AKAP19: variants seen among roughly 807,000 people sequenced by gnomAD.
The protein encoded by AKAP19 is small A-kinase anchoring protein.
chr2:190,002,642 T>C, the AKAP19 span, among the ~76,000 whole-genome samples: 1 of 152,214 alleles, frequency 6.6e-6, no homozygotes, highest in Non-Finnish European at 1.5e-5. Context: ...GAACTCCTTG[T>C]TCTCACTCAC....
At chr2:189,979,101 C>CA in the AKAP19 span, among the ~76,000 whole-genome samples, 3 of 151,350 alleles carry the variant, frequency 2.0e-5, no homozygotes, top group South Asian at 4.2e-4. Flanking sequence ...CATGTGAAAC[C>CA]AAAAAAGAGC....
At chr2:189,969,850 T>G in the AKAP19 span, among the ~76,000 whole-genome samples, 1 of 150,932 alleles carries the variant, frequency 6.6e-6, no homozygotes, top group African/African-American at 2.4e-5. Flanking sequence ...TTTCTTCTCT[T>G]TTTCACTTTC....
At chr2:190,145,217 A>G in the AKAP19 span, among the ~76,000 whole-genome samples, 280 of 152,298 alleles carry the variant, frequency 1.8e-3, 2 homozygotes, top group African/African-American at 6.4e-3. Context: ...AGCCCAGGAC[A>G]TGCAGGTTGC....
the AKAP19 span, among the ~76,000 whole-genome samples, chr2:190,110,161 G>C: frequency 6.6e-6 from 1 of 152,166 alleles, no homozygotes; most frequent in Non-Finnish European, 1.5e-5. Flanking sequence ...TTCAACATCA[G>C]GATGTCTGGA....
At chr2:189,947,754 A>T in the AKAP19 span, among the ~76,000 whole-genome samples, 7,359 of 152,112 alleles carry the variant, frequency 0.048, 270 homozygotes, top group Non-Finnish European at 0.067. Flanking sequence ...ACCCATATAG[A>T]TTACTCTTGG....
the AKAP19 span, among the ~76,000 whole-genome samples, chr2:190,121,075 T>A: frequency 8.5e-6 from 1 of 118,084 alleles, no homozygotes; most frequent in Non-Finnish European, 2.0e-5. Context: ...ATGTTGGAAA[T>A]TTTTTTTAAA....
chr2:190,029,353 C>T, the AKAP19 span, among the ~76,000 whole-genome samples: 3 of 151,824 alleles, frequency 2.0e-5, no homozygotes, highest in Non-Finnish European at 2.9e-5. Flanking sequence ...CGCCCAGCCA[C>T]ATGTAGGGAT....
chr2:190,192,576 G>T, the AKAP19 span, among the ~76,000 whole-genome samples: 2 of 151,792 alleles, frequency 1.3e-5, no homozygotes, highest in African/African-American at 4.8e-5. Flanking sequence ...CTACAGAAAA[G>T]CCTGCTGGAA....
At chr2:189,945,579 G>T in the AKAP19 span, among the ~76,000 whole-genome samples, 1 of 152,146 alleles carries the variant, frequency 6.6e-6, no homozygotes, top group African/African-American at 2.4e-5. Context: ...GCTTTAAATG[G>T]ATGTACTTTA....
chr2:190,143,017 T>C, the AKAP19 span, among the ~76,000 whole-genome samples: 20 of 151,962 alleles, frequency 1.3e-4, no homozygotes, highest in Non-Finnish European at 2.8e-4. Context: ...ATACTAAATA[T>C]GGATGTTCTT....
the AKAP19 span, among the ~76,000 whole-genome samples, chr2:189,886,838 T>C: frequency 6.6e-6 from 1 of 152,162 alleles, no homozygotes; most frequent in Admixed American, 6.5e-5. Flanking sequence ...AACAAAGCTA[T>C]GGCAGCAAGG....
chr2:190,145,781 C>A, the AKAP19 span, among the ~76,000 whole-genome samples: 1 of 151,298 alleles, frequency 6.6e-6, no homozygotes, highest in African/African-American at 2.4e-5. Context: ...TGTTATTAAG[C>A]AACTCATGAT....
the AKAP19 span, among the ~76,000 whole-genome samples, chr2:190,000,668 T>G: frequency 6.6e-6 from 1 of 152,062 alleles, no homozygotes; most frequent in Non-Finnish European, 1.5e-5. Context: ...TTTGGTTGAC[T>G]TTTTTTTCTT....
chr2:189,965,966 GTGTGTA>G, the AKAP19 span, among the ~76,000 whole-genome samples: 1 of 152,090 alleles, frequency 6.6e-6, no homozygotes, highest in African/African-American at 2.4e-5. Context: ...GTGTGTGTGT[GTGTGTA>G]TGTGTATATA....
the AKAP19 span, among the ~76,000 whole-genome samples, chr2:190,087,637 T>G: frequency 6.6e-6 from 1 of 152,324 alleles, no homozygotes; most frequent in African/African-American, 2.4e-5. Flanking sequence ...TTGGCCAAAG[T>G]GCCACTTGCC....
At chr2:190,083,567 T>G in the AKAP19 span, among the ~76,000 whole-genome samples, 2 of 141,122 alleles carry the variant, frequency 1.4e-5, no homozygotes, top group African/African-American at 2.6e-5. Context: ...GACGGTGGGC[T>G]GATACAAAGT....
the AKAP19 span, chr2:190,062,121 G>A: frequency 1.6e-6 from 2 of 1,255,404 alleles, no homozygotes; most frequent in Non-Finnish European, 2.3e-6. Context: ...CTTACATACA[G>A]GCCAACAGCT....
At chr2:189,941,460 A>C in the AKAP19 span, among the ~76,000 whole-genome samples, 47 of 152,194 alleles carry the variant, frequency 3.1e-4, no homozygotes, top group African/African-American at 1.1e-3. Flanking sequence ...AGACAACATA[A>C]AGTCAAAATG....
At chr2:190,197,102 A>C in the AKAP19 span, among the ~76,000 whole-genome samples, 2 of 152,138 alleles carry the variant, frequency 1.3e-5, no homozygotes, top group Non-Finnish European at 2.9e-5. This position sits in a 1 kb window ranked among gnomAD's most constrained non-coding sequence, Gnocchi z 4.0. Flanking sequence ...AGAGCACTAA[A>C]ACTCTAATAT....
Sources: allele counts gnomAD v4.1 joint callset (sites outside exome capture counted in the v4.1 genomes callset), GRCh38; gene constraint gnomAD v4.1.1; non-coding constraint Gnocchi (gnomAD v3.1); transcripts MANE v1.5; gene names NCBI Gene and HGNC (gene_info 2026-07-23, HGNC 2026-07-21).